PDE10A: variants seen among roughly 807,000 people sequenced by gnomAD.
The protein encoded by PDE10A is phosphodiesterase 10A.
A neutral mutation model predicts 97.7 loss-of-function variants in PDE10A; 39 were observed. That is an observed-to-expected ratio of 0.40 (90% CI 0.31 to 0.52). The LOEUF is 0.52. Ranked by LOEUF, PDE10A falls within the 20% of genes least tolerant of loss-of-function variation. The pLI, the probability that PDE10A is intolerant of heterozygous loss-of-function variation, is 0.56. For synonymous variants in PDE10A, 371 were observed against 376.8 expected (o/e 0.98, Z 0.18); for missense variants, 731 against 1,047.8 (o/e 0.70, Z 4.17).
intron 1 of PDE10A, among the ~76,000 whole-genome samples, chr6:165,673,466 G>A (rs896699800): frequency 6.6e-6 from 1 of 152,216 alleles, no homozygotes; most frequent in Non-Finnish European, 1.5e-5. Context: ...AAAGGCGAGG[G>A]TTAAAACCTC....
intron 1 of PDE10A, among the ~76,000 whole-genome samples, chr6:165,699,062 A>T (rs1453476948): frequency 1.3e-5 from 2 of 152,202 alleles, no homozygotes; most frequent in Non-Finnish European, 2.9e-5. Flanking sequence ...AGACTGAATA[A>T]AAAACATGGT....
At chr6:165,721,460 C>A (rs1381316736) in intron 1 of PDE10A, among the ~76,000 whole-genome samples, 3 of 152,218 alleles carry the variant, frequency 2.0e-5, no homozygotes, top group Non-Finnish European at 4.4e-5. Flanking sequence ...TTCCTGAGAA[C>A]TGTGCAGGAG....
intron 1 of PDE10A, among the ~76,000 whole-genome samples, chr6:165,715,354 G>A (rs553273423): frequency 1.2e-4 from 19 of 152,326 alleles, no homozygotes; most frequent in Non-Finnish European, 2.2e-4. Context: ...CGCTGTCCAC[G>A]CACTCAAAAA....
At chr6:165,780,356 G>T (rs1778310071) in intron 1 of PDE10A, 1 of 152,146 alleles carries the variant, frequency 6.6e-6, no homozygotes, top group Admixed American at 6.5e-5. Flanking sequence ...TATCAAAATA[G>T]GTGTATCATA....
Position 165,543,574 on chromosome 6 carries a change from A to G in PDE10A, c.866-6T>C, listed in dbSNP as rs771064898. On this transcript the variant is annotated splice_region_variant and splice_polypyrimidine_tract_variant and intron_variant, in intron 1 of 21. Transcript: ENST00000539869. ...CACTTTTTCATCTGTCAAACCTGTAAAAGAATTGAAAAGAATAAAATTCAC... is the reference window on the plus strand; with the variant it reads ...CACTTTTTCATCTGTCAAACCTGTAGAAGAATTGAAAAGAATAAAATTCAC... 6 of 1,597,338 alleles carry G rather than the reference A, an allele frequency of 3.8e-6. No homozygotes were observed. Among genetic ancestry groups the G allele is most frequent in the Middle Eastern group, 1.7e-4 (1 of 5,992 alleles).
chr6:165,870,915 C>T (rs528974121), intron 1 of PDE10A, among the ~76,000 whole-genome samples: 29 of 152,182 alleles, frequency 1.9e-4, no homozygotes, highest in African/African-American at 7.0e-4. Flanking sequence ...CATGGAGATA[C>T]ACAGTAGAAT....
chr6:165,756,310 A>G (rs1793116486), intron 1 of PDE10A, among the ~76,000 whole-genome samples: 1 of 152,214 alleles, frequency 6.6e-6, no homozygotes, highest in Admixed American at 6.5e-5. Flanking sequence ...TGAGAAGGGT[A>G]GGCATTCACA....
intron 2 of PDE10A, among the ~76,000 whole-genome samples, chr6:165,508,630 A>T (rs1221293402): frequency 6.6e-6 from 1 of 151,922 alleles, no homozygotes. Flanking sequence ...CACTGGTGAG[A>T]GCATTTTACA....
At chr6:165,588,620 T>C (rs1786066279) in intron 1 of PDE10A, among the ~76,000 whole-genome samples, 1 of 152,098 alleles carries the variant, frequency 6.6e-6, no homozygotes. Context: ...CTTTGTCCCC[T>C]ACTATCAAGT....
chr6:165,667,905 A>G (rs1232988415), upstream of PDE10A, among the ~76,000 whole-genome samples: 1 of 152,214 alleles, frequency 6.6e-6, no homozygotes, highest in Non-Finnish European at 1.5e-5. Flanking sequence ...ACACAGAAGT[A>G]TATTTCAAAG....
intron 3 of PDE10A, among the ~76,000 whole-genome samples, chr6:165,454,664 C>T (rs1007769253): frequency 6.6e-6 from 1 of 152,114 alleles, no homozygotes; most frequent in African/African-American, 2.4e-5. Flanking sequence ...CAGATGCAGG[C>T]ACCTTGACCT....
intron 1 of PDE10A, among the ~76,000 whole-genome samples, chr6:165,855,758 CCTT>C: frequency 6.6e-6 from 1 of 152,076 alleles, no homozygotes; most frequent in East Asian, 1.9e-4. Flanking sequence ...AACGGGTGAG[CCTT>C]TGCAATTTGA....
intron 1 of PDE10A, among the ~76,000 whole-genome samples, chr6:165,970,597 T>G (rs1784639634): frequency 6.6e-6 from 1 of 152,162 alleles, no homozygotes; most frequent in South Asian, 2.1e-4. Flanking sequence ...CATTTATAAG[T>G]TCAATAAAAA....
intron 1 of PDE10A, among the ~76,000 whole-genome samples, chr6:165,730,750 C>CAAAAAA (rs778744017): frequency 2.9e-4 from 35 of 122,106 alleles, no homozygotes; most frequent in Admixed American, 5.1e-4. Context: ...GAGATTCCAC[C>CAAAAAA]AAAAAAAAAA....
intron 1 of PDE10A, among the ~76,000 whole-genome samples, chr6:165,559,695 C>T (rs1784429741): frequency 1.3e-5 from 2 of 152,198 alleles, no homozygotes; most frequent in South Asian, 4.1e-4. Context: ...ACCCACATCT[C>T]ATCTTGAATT....
intron 2 of PDE10A, among the ~76,000 whole-genome samples, chr6:165,484,171 A>C (rs1779764517): frequency 1.3e-5 from 2 of 152,226 alleles, no homozygotes; most frequent in South Asian, 4.1e-4. Flanking sequence ...ATTGCCTCCT[A>C]TTTCTTATAG....
intron 1 of PDE10A, among the ~76,000 whole-genome samples, chr6:165,876,510 TC>T (rs770376567): frequency 2.6e-5 from 4 of 152,174 alleles, no homozygotes; most frequent in Non-Finnish European, 4.4e-5. Context: ...GGCTTTTCAT[TC>T]TGACTATTCC....
intron 1 of PDE10A, among the ~76,000 whole-genome samples, chr6:165,924,872 A>G (rs1448074304): frequency 6.6e-6 from 1 of 152,208 alleles, no homozygotes. Context: ...CAGTTCTTAG[A>G]TTGGACACCA....
At chr6:165,454,463 A>C (rs1777828619) in intron 3 of PDE10A, among the ~76,000 whole-genome samples, 7 of 152,218 alleles carry the variant, frequency 4.6e-5, no homozygotes, top group Admixed American at 4.6e-4. Context: ...TGGGACCTTA[A>C]GAGATGATTA....
Sources: allele counts gnomAD v4.1 joint callset (sites outside exome capture counted in the v4.1 genomes callset), GRCh38; gene constraint gnomAD v4.1.1; transcripts MANE v1.5; gene names NCBI Gene and HGNC (gene_info 2026-07-23, HGNC 2026-07-21).